The following CAMKMT variants were observed in gnomAD, a reference collection of about 807,000 sequenced individuals.
CAMKMT encodes calmodulin-lysine N-methyltransferase.
In CAMKMT, 53 loss-of-function variants were observed where a neutral mutation model predicts 48.0. The observed-to-expected ratio is 1.10, with a 90% CI of 0.89 to 1.39. The LOEUF (loss-of-function observed/expected upper bound fraction) is 1.39. Ranked by LOEUF, CAMKMT falls within the 40% of genes most tolerant of loss-of-function variation. The pLI, the probability that CAMKMT is intolerant of heterozygous loss-of-function variation, is 0.00. For synonymous variants in CAMKMT, 165 were observed against 152.3 expected (o/e 1.08, Z -0.61); for missense variants, 428 against 402.7 (o/e 1.06, Z -0.54).
intron 1 of CAMKMT, among the ~76,000 whole-genome samples, 187 bp downstream of exon 1, chr2:44,362,332 G>T (rs2104312830): frequency 6.6e-6 from 1 of 152,312 alleles, no homozygotes; most frequent in East Asian, 1.9e-4. Flanking sequence ...GAATCATGTG[G>T]GGTTGGGTGG....
chr2:44,464,230 G>C (rs1420018768), intron 3 of CAMKMT, among the ~76,000 whole-genome samples: 2 of 152,166 alleles, frequency 1.3e-5, no homozygotes, highest in East Asian at 3.8e-4. Flanking sequence ...CAAGAGACTT[G>C]ATCAAACAGG....
chr2:44,394,346 G>A (rs1085445), intron 3 of CAMKMT, among the ~76,000 whole-genome samples: 1,608 of 152,140 alleles, frequency 0.011, 11 homozygotes, highest in Non-Finnish European at 0.016. Flanking sequence ...TCTCCTGGAG[G>A]AATTTGTAGA....
intron 3 of CAMKMT, among the ~76,000 whole-genome samples, chr2:44,620,932 G>C (rs1672150027): frequency 6.6e-6 from 1 of 152,128 alleles, no homozygotes; most frequent in African/African-American, 2.4e-5. Context: ...CTTTAGGATT[G>C]CTAAGAAAAT....
chr2:44,581,193 T>G (rs914111291), intron 3 of CAMKMT, among the ~76,000 whole-genome samples: 1 of 152,190 alleles, frequency 6.6e-6, no homozygotes, highest in East Asian at 1.9e-4. Context: ...ATTTGTCTCT[T>G]TGTAAGAATG....
At chr2:44,694,519 T>C (rs908541773) in intron 3 of CAMKMT, among the ~76,000 whole-genome samples, 2 of 152,172 alleles carry the variant, frequency 1.3e-5, no homozygotes, top group Non-Finnish European at 2.9e-5. Flanking sequence ...GCCATGACGG[T>C]GCCACTGCAC....
intron 3 of CAMKMT, among the ~76,000 whole-genome samples, chr2:44,519,031 C>A (rs965902877): frequency 1.3e-5 from 2 of 152,164 alleles, no homozygotes; most frequent in South Asian, 2.1e-4. Flanking sequence ...ACTTTACTAA[C>A]CTGCTTTTAG....
intron 3 of CAMKMT, among the ~76,000 whole-genome samples, chr2:44,521,564 C>T (rs540871254): frequency 7.9e-5 from 12 of 152,096 alleles, no homozygotes; most frequent in African/African-American, 2.9e-4. Flanking sequence ...CAGGCCTGAG[C>T]CATCACGCCC....
chr2:44,534,805 G>A (rs977131772), intron 3 of CAMKMT, among the ~76,000 whole-genome samples: 6 of 147,894 alleles, frequency 4.1e-5, no homozygotes, highest in African/African-American at 1.5e-4. Context: ...ATCTAGCAAT[G>A]CACCTCAAGG....
intron 3 of CAMKMT, among the ~76,000 whole-genome samples, chr2:44,626,383 C>T (rs1351313601): frequency 6.6e-6 from 1 of 152,082 alleles, no homozygotes; most frequent in Non-Finnish European, 1.5e-5. Context: ...ACCTTTAATG[C>T]TGTGACATTG....
intron 9 of CAMKMT, among the ~76,000 whole-genome samples, chr2:44,764,077 T>C (rs1187680687): frequency 2.0e-5 from 3 of 152,172 alleles, no homozygotes; most frequent in Non-Finnish European, 4.4e-5. Flanking sequence ...CGAGACCATG[T>C]ATTATATCTA....
At chr2:44,367,905 C>A (rs181467550) in intron 1 of CAMKMT, among the ~76,000 whole-genome samples, 3 of 152,298 alleles carry the variant, frequency 2.0e-5, no homozygotes, top group Admixed American at 2.0e-4. Context: ...TTGTGTTTAG[C>A]CTTACTCCTC....
chr2:44,709,440 T>C (rs370095048), intron 6 of CAMKMT, among the ~76,000 whole-genome samples: 8 of 152,170 alleles, frequency 5.3e-5, no homozygotes, highest in African/African-American at 1.7e-4. Context: ...TTTGTATGCC[T>C]TTTTCTGTTG....
At chr2:44,588,043 T>G (rs1399276994) in intron 3 of CAMKMT, among the ~76,000 whole-genome samples, 213 of 117,080 alleles carry the variant, frequency 1.8e-3, no homozygotes, top group Middle Eastern at 5.3e-3. Flanking sequence ...GAGCGCCTCT[T>G]CCCCGCCGCC....
chr2:44,561,241 C>T (rs1668306978), intron 3 of CAMKMT, among the ~76,000 whole-genome samples: 1 of 152,150 alleles, frequency 6.6e-6, no homozygotes, highest in Non-Finnish European at 1.5e-5. Flanking sequence ...AGCTCCTCAA[C>T]ATTACTACGT....
At chr2:44,568,209 C>T (rs370937994) in intron 3 of CAMKMT, among the ~76,000 whole-genome samples, 14 of 152,036 alleles carry the variant, frequency 9.2e-5, no homozygotes, top group Admixed American at 3.9e-4. Context: ...ATGAGCAAAA[C>T]GAGCAAAACA....
At chr2:44,410,492 CTT>C (rs1365121142) in intron 3 of CAMKMT, among the ~76,000 whole-genome samples, 7 of 151,220 alleles carry the variant, frequency 4.6e-5, no homozygotes, top group African/African-American at 1.7e-4. Context: ...TTACAAGACT[CTT>C]TTTGTGATTT....
intron 3 of CAMKMT, among the ~76,000 whole-genome samples, chr2:44,632,008 G>A (rs761602301): frequency 7.3e-5 from 11 of 151,448 alleles, no homozygotes; most frequent in Non-Finnish European, 1.3e-4. Flanking sequence ...TGCTGTTATC[G>A]TACATTTTAC....
intron 3 of CAMKMT, among the ~76,000 whole-genome samples, chr2:44,471,757 C>T (rs1047514958): frequency 1.3e-5 from 2 of 152,060 alleles, no homozygotes; most frequent in Admixed American, 6.5e-5. Context: ...CCCAGACTGT[C>T]TGCAGCCTCC....
chr2:44,451,769 C>G (rs1258056911), intron 3 of CAMKMT, among the ~76,000 whole-genome samples: 6 of 151,816 alleles, frequency 4.0e-5, no homozygotes, highest in Non-Finnish European at 8.8e-5. Flanking sequence ...AGGATAGAAT[C>G]TAGGTGGTAG....
Sources: allele counts gnomAD v4.1 joint callset (sites outside exome capture counted in the v4.1 genomes callset), GRCh38; gene constraint gnomAD v4.1.1; transcripts MANE v1.5; gene names NCBI Gene and HGNC (gene_info 2026-07-23, HGNC 2026-07-21).